The following ALDH3B2 variants were observed in gnomAD, a reference collection of about 807,000 sequenced individuals.
The protein encoded by ALDH3B2 is aldehyde dehydrogenase 3 family member B2.
In ALDH3B2, 45 loss-of-function variants were observed where a neutral mutation model predicts 36.7. That is an observed-to-expected ratio of 1.23 (90% CI 0.97 to 1.57). The LOEUF is 1.57. ALDH3B2 is among the 40% of genes most tolerant of loss of function. The pLI, the probability that ALDH3B2 is intolerant of heterozygous loss-of-function variation, is 0.00. For synonymous variants in ALDH3B2, 217 were observed against 226.5 expected, an observed-to-expected ratio of 0.96 and a Z score of 0.38; for missense variants, 464 against 513.3, an observed-to-expected ratio of 0.90 and a Z score of 0.93.
In ALDH3B2 at chr11:67,669,741, GGTGTCTGTGTCCACGT is replaced by G. The variant is rs1465959771; in HGVS notation, c.-244-2122_-244-2107del. Among the ~76,000 whole-genome samples the G allele has an allele frequency of 2.9e-3, 322 of 111,316 alleles. 1 individual carries two copies. The highest frequency in any genetic ancestry group is 0.011 in the African/African-American group (278 of 25,160). The allele number at this position is 111,316 out of a possible 152,430, so 73.0% of individuals were successfully genotyped here. A position where few individuals can be genotyped will look rare whatever the true frequency, so the allele number is the denominator to read the frequency against. ...GCGTATGGGTGTCTGTGTGTGTATG[GGTGTCTGTGTCCACGT>G]GTGTCTGTGTGTGTATGGGTGTCTG... On this transcript the variant is annotated intron_variant, in intron 1 of 9. Coordinates refer to ENST00000349015, the Ensembl canonical transcript of ALDH3B2.
exon 10 of ALDH3B2, chr11:67,663,299 C>T (rs1855799985): frequency 2.5e-6 from 4 of 1,614,170 alleles, no homozygotes; most frequent in African/African-American, 1.3e-5. Context: ...AGTGGATCTC[C>T]TTTAATTTCT....
chr11:67,677,398 C>T (rs1856291513), upstream of ALDH3B2, among the ~76,000 whole-genome samples: 2 of 152,102 alleles, frequency 1.3e-5, no homozygotes, highest in South Asian at 4.1e-4. Context: ...TGACAAAATC[C>T]AGCATCCTTT....
chr11:67,680,491 A>C (rs1237550316), intron 1 of ALDH3B2, among the ~76,000 whole-genome samples: 1 of 152,174 alleles, frequency 6.6e-6, no homozygotes, highest in East Asian at 1.9e-4. Context: ...ATCTTGGCTC[A>C]CTGCCACCTC....
At position 67,670,832 on chromosome 11, in the gene ALDH3B2, G is replaced by A. The variant is rs913086538; in HGVS notation, c.-244-3197C>T. Among the ~76,000 whole-genome samples the A allele has an allele frequency of 4.6e-5, 7 of 152,328 alleles. No individual in the cohort carries two copies. In the South Asian group the frequency reaches 1.4e-3, roughly 32 times the overall value. On this transcript the variant is annotated intron_variant, in intron 1 of 9. Transcript: ENST00000349015. ...CCCCCCTGCATGAGGGCCTGGAGGA[G>A]GACGCAGCATACAGGGCTCTGCAAA... is the stretch of plus-strand genomic sequence containing the variant.
At chr11:67,666,428 G>C in intron 4 of ALDH3B2, 27 bp from the exon 5 acceptor site, 1 of 1,607,350 alleles carries the variant, frequency 6.2e-7, no homozygotes, top group Non-Finnish European at 8.5e-7. Flanking sequence ...GGACGTCGTT[G>C]GGGGAGCCCA....
chr11:67,664,116 C>A, intron 8 of ALDH3B2: 1 of 582,102 alleles, frequency 1.7e-6, no homozygotes, highest in East Asian at 3.0e-5. Flanking sequence ...GACCTCCATT[C>A]CGGGCCTCTG....
chr11:67,663,647 T>C lies in ALDH3B2; in HGVS notation c.973+15A>G, dbSNP rs767153238. 4.4e-6 allele frequency: 7 copies of C among 1,600,646 alleles called. No individual in the cohort carries two copies. The highest frequency in any genetic ancestry group is 6.0e-6 in the Non-Finnish European group (7 of 1,170,286). ...AGCCAAGCTTCCCTAGGGGTGGAAA[T>C]GGGCAGGGACCCACCGACTCCCCCG... is the stretch of plus-strand genomic sequence containing the variant. On this transcript the variant is annotated intron_variant, in intron 9 of 9. Transcript: ENST00000349015.
intron 1 of ALDH3B2, among the ~76,000 whole-genome samples, chr11:67,670,724 T>C (rs4313593): frequency 0.85 from 129,980 of 152,180 alleles, 56,305 homozygotes; most frequent in South Asian, 0.96. Context: ...GGCACCTTCC[T>C]GGCCACACCT....
At chr11:67,662,960 A>G in exon 10 of ALDH3B2, 1 of 505,748 alleles carries the variant, frequency 2.0e-6, no homozygotes, top group South Asian at 2.5e-5. Context: ...AAAGGGCTGG[A>G]ATTGGGGAGG....
At position 67,666,563 on chromosome 11, in the gene ALDH3B2, G is replaced by A. The variant is rs894609911; in HGVS notation, c.151+11C>T. 2.5e-6 allele frequency: 4 copies of A among 1,613,672 alleles called. No homozygotes were observed. Among genetic ancestry groups the A allele is most frequent in the Admixed American group, 1.7e-5 (1 of 59,994 alleles). On this transcript the variant is annotated intron_variant, in intron 4 of 9. Coordinates refer to ENST00000349015, the Ensembl canonical transcript of ALDH3B2. The stretch of plus-strand genomic sequence containing the variant: ...GCGGGGAGAGCATGGGGTTCGGAAC[G>A]CCCTCCTCACCTGCGGCGAGGGCGC...
upstream of ALDH3B2, among the ~76,000 whole-genome samples, chr11:67,677,210 T>C (rs1217910893): frequency 1.3e-5 from 2 of 152,160 alleles, no homozygotes; most frequent in Non-Finnish European, 2.9e-5. Flanking sequence ...CTTAACAATA[T>C]ACTAGCTAAC....
chr11:67,679,241 A>G (rs1014431067), upstream of ALDH3B2, among the ~76,000 whole-genome samples: 6 of 151,964 alleles, frequency 3.9e-5, no homozygotes, highest in Non-Finnish European at 8.8e-5. Context: ...GCTGAGGTGG[A>G]CGGATCACTT....
At chr11:67,677,383 G>A (rs1366936944), upstream of ALDH3B2, among the ~76,000 whole-genome samples, 1 of 152,100 alleles carries the variant, frequency 6.6e-6, no homozygotes, top group East Asian at 1.9e-4. Flanking sequence ...TGCAGAAAAA[G>A]CATTTGACAA....
intron 1 of ALDH3B2, among the ~76,000 whole-genome samples, chr11:67,671,744 C>T (rs2134152391): frequency 6.6e-6 from 1 of 151,724 alleles, no homozygotes; most frequent in Admixed American, 6.6e-5. Context: ...TGGGGTTTCT[C>T]CATGTTGAGG....
intron 1 of ALDH3B2, among the ~76,000 whole-genome samples, chr11:67,668,737 GTC>G: frequency 6.9e-6 from 1 of 144,484 alleles, no homozygotes; most frequent in South Asian, 2.3e-4. Context: ...GTCTGTGTGT[GTC>G]TGTGTATGTA....
upstream of ALDH3B2, among the ~76,000 whole-genome samples, chr11:67,677,692 A>G (rs1425411547): frequency 6.6e-6 from 1 of 152,140 alleles, no homozygotes. Flanking sequence ...ATAATTGTTT[A>G]CCTTGAAAAC....
At chr11:67,666,494 C>A in intron 4 of ALDH3B2, 80 bp downstream of exon 4, 3 of 1,606,202 alleles carry the variant, frequency 1.9e-6, no homozygotes, top group South Asian at 2.2e-5. Flanking sequence ...GCCCAGGGTA[C>A]CTCAGAGCAA....
Position 67,672,102 on chromosome 11 carries a change from T to TTG in ALDH3B2, c.-245+2333_-245+2334dup, listed in dbSNP as rs71058721. On this transcript the variant is annotated intron_variant, in intron 1 of 9. Coordinates refer to ENST00000349015, the Ensembl canonical transcript of ALDH3B2. ...ATATATATATATGTATGTATGTATT[T>TTG]TGTGTGTGTGTGTGTGTGTGTGTGT... 6.8e-4 allele frequency among the ~76,000 whole-genome samples: 34 copies of TTG among 49,980 alleles called. 1 individual carries two copies. The highest frequency in any genetic ancestry group is 2.3e-3 in the African/African-American group (33 of 14,568). The allele number at this position is 49,980 out of a possible 152,430, so 32.8% of individuals were successfully genotyped here.
chr11:67,664,307 A>C lies in ALDH3B2; in HGVS notation c.873+89T>G. ...ACCCTTGAGGCATCTGCTGCTCTAA[A>C]GCCTTGCTGGGAAGGGCTGTGAAAG... On this transcript the variant is annotated intron_variant, in intron 8 of 9. Transcript: ENST00000349015. 3 of 1,587,340 alleles carry C rather than the reference A, an allele frequency of 1.9e-6. No homozygotes were observed. In the South Asian group the frequency reaches 3.4e-5, roughly 18 times the overall value.
Sources: gnomAD v4.1 joint callset for allele counts (sites outside exome capture counted in the v4.1 genomes callset) on GRCh38, gnomAD v4.1.1 for gene constraint, MANE v1.5 for transcripts, NCBI Gene and HGNC (gene_info 2026-07-23, HGNC 2026-07-21) for gene names.